Variants in ABLIM1 observed in about 807,000 individuals in gnomAD.
The protein encoded by ABLIM1 is actin binding LIM protein 1.
Under a neutral mutation model 107.0 loss-of-function variants are expected in ABLIM1, and 40 were observed. That is an observed-to-expected ratio of 0.37 (90% CI 0.29 to 0.49). The LOEUF (loss-of-function observed/expected upper bound fraction) is 0.49. Among genes scored for constraint, ABLIM1 ranks in the 20% least tolerant of loss-of-function variants. The pLI is 0.97. For missense variants in ABLIM1, 857 were observed against 1,008.5 expected, an observed-to-expected ratio of 0.85 and a Z score of 2.04; for synonymous variants, 357 against 357.3, an observed-to-expected ratio of 1.00 and a Z score of 0.01.
chr10:114,588,354 T>C, intron 2 of ABLIM1, among the ~76,000 whole-genome samples: 1 of 141,266 alleles, frequency 7.1e-6, no homozygotes, highest in East Asian at 2.0e-4. Context: ...CTACATTTAA[T>C]GAGGCTGTTT....
the ABLIM1 span, among the ~76,000 whole-genome samples, chr10:114,774,594 C>A: frequency 6.6e-6 from 1 of 152,208 alleles, no homozygotes; most frequent in African/African-American, 2.4e-5. Context: ...TATTTGAAAG[C>A]TGCCCATTGG....
the ABLIM1 span, among the ~76,000 whole-genome samples, chr10:114,793,894 C>A: frequency 6.6e-6 from 1 of 152,234 alleles, no homozygotes; most frequent in Non-Finnish European, 1.5e-5. Context: ...TCTCCATCTC[C>A]CCTCACAGGT....
chr10:114,783,857 CTCCTGCAGCGTGCCAGGGCAACACAGCT>C, the ABLIM1 span, among the ~76,000 whole-genome samples: 1 of 151,936 alleles, frequency 6.6e-6, no homozygotes, highest in African/African-American at 2.4e-5. Flanking sequence ...TCCAGTATCA[CTCCTGCAGCGTGCCAGGGCAACACAGCT>C]GCTGAGAGGG....
intron 6 of ABLIM1, among the ~76,000 whole-genome samples, chr10:114,515,781 G>A (rs1388747269): frequency 6.6e-6 from 1 of 152,186 alleles, no homozygotes; most frequent in Non-Finnish European, 1.5e-5. Context: ...GAGGGAGACA[G>A]ACAAGGAGAA....
intron 1 of ABLIM1, among the ~76,000 whole-genome samples, chr10:114,643,989 A>G (rs1411128347): frequency 6.6e-6 from 1 of 151,800 alleles, no homozygotes; most frequent in Non-Finnish European, 1.5e-5. Flanking sequence ...TTTAAAAAAT[A>G]CCATGGTTCT....
At chr10:114,795,164 C>T in the ABLIM1 span, among the ~76,000 whole-genome samples, 1 of 152,144 alleles carries the variant, frequency 6.6e-6, no homozygotes, top group African/African-American at 2.4e-5. Context: ...CATTCTTTGA[C>T]CTAATAGTCA....
intron 4 of ABLIM1, among the ~76,000 whole-genome samples, chr10:114,557,678 T>TG (rs2068953259): frequency 6.7e-6 from 1 of 149,306 alleles, no homozygotes; most frequent in Admixed American, 6.7e-5. Context: ...GGTGTTTTTT[T>TG]TTTTTTTTTT....
At chr10:114,536,004 T>C (rs1429843527) in intron 6 of ABLIM1, among the ~76,000 whole-genome samples, 3 of 152,012 alleles carry the variant, frequency 2.0e-5, no homozygotes, top group Admixed American at 6.6e-5. Context: ...ACTATACTCA[T>C]TGAGTTGTGC....
chr10:114,719,468 C>T (rs2081787833), intron 1 of ABLIM1, among the ~76,000 whole-genome samples: 1 of 152,226 alleles, frequency 6.6e-6, no homozygotes, highest in Non-Finnish European at 1.5e-5. Context: ...ACCACATTTC[C>T]AGAGTGCTAG....
intron 12 of ABLIM1, chr10:114,463,288 G>T: frequency 9.8e-7 from 1 of 1,017,780 alleles, no homozygotes. Flanking sequence ...TTAATCAGGA[G>T]GCTGAAAAGG....
intron 11 of ABLIM1, among the ~76,000 whole-genome samples, chr10:114,466,125 A>G (rs887034844): frequency 2.6e-5 from 4 of 152,144 alleles, no homozygotes; most frequent in Non-Finnish European, 5.9e-5. Flanking sequence ...GGATGGCTTG[A>G]AGCCAGGAGT....
intron 11 of ABLIM1, among the ~76,000 whole-genome samples, chr10:114,466,379 A>G (rs567358752): frequency 6.6e-6 from 1 of 152,292 alleles, no homozygotes; most frequent in East Asian, 1.9e-4. Context: ...GGGACAAGAG[A>G]TAATAATTCC....
Position 114,632,426 on chromosome 10 carries a change from A to G in ABLIM1, c.244+25531T>C, listed in dbSNP as rs542577454. 5.1e-6 allele frequency: 5 copies of G among 985,438 alleles called. No homozygotes were observed. The South Asian group carries it at 2.3e-4, about 46-fold the overall frequency. The allele number at this position is 985,438 out of a possible 1,614,324, so 61.0% of individuals were successfully genotyped here. On this transcript the variant is annotated intron_variant, in intron 1 of 22. Transcript: ENST00000533213. ...GGTTAGCTTATTGGCTCCCTGTTAC[A>G]GTCGCTTTCAATTTTTACTACGGCT... is the stretch of plus-strand genomic sequence containing the variant.
chr10:114,545,014 T>C lies in ABLIM1; in HGVS notation c.885A>G (p.Lys295=), dbSNP rs759829085. 1.2e-6 allele frequency: 2 copies of C among 1,614,126 alleles called. No homozygotes were observed. The highest frequency in any genetic ancestry group is 3.3e-5 in the Admixed American group (2 of 60,012). Residue 295 remains lysine, a synonymous_variant, in exon 6 of 23, where the codon AAA becomes AAG. Transcript: ENST00000533213. The part of the protein sequence containing the change: ...CEACHQFITG[K]VLEAGDKHYH... ...CCGGTCTGCCACTTACCTCCAGGAC[T>C]TTCCCTGTGATAAACTGGTGACACG...
chr10:114,459,844 C>T (rs2063507434), intron 12 of ABLIM1, among the ~76,000 whole-genome samples: 1 of 152,100 alleles, frequency 6.6e-6, no homozygotes, highest in Admixed American at 6.5e-5. Flanking sequence ...TCATTTAAAT[C>T]CAGAACACCT....
At chr10:114,769,415 AAAAGAAG>A (rs1241122901), upstream of ABLIM1, among the ~76,000 whole-genome samples, 8 of 133,594 alleles carry the variant, frequency 6.0e-5, no homozygotes, top group East Asian at 2.4e-4. Flanking sequence ...AGAAAGAAAG[AAAAGAAG>A]GAAAGAAAGA....
In ABLIM1 at chr10:114,491,012, G is replaced by GTGTGTGTGTGTATATATATATATATA; in HGVS notation, c.982+778_982+779insTATATATATATATATACACACACACA. On this transcript the variant is annotated intron_variant, in intron 7 of 22. Transcript: ENST00000533213. ...TGTGTGTGTGTGTGTGTGTGTGTGT[G>GTGTGTGTGTGTATATATATATATATA]TATATATATATATGGTCTATTTTAT... Among the ~76,000 whole-genome samples the GTGTGTGTGTGTATATATATATATATA allele has an allele frequency of 7.1e-4, 66 of 92,360 alleles. No individual in the cohort carries two copies. The East Asian group carries it at 0.011, about 15-fold the overall frequency. The allele number at this position is 92,360 out of a possible 152,430, so 60.6% of individuals were successfully genotyped here.
At chr10:114,436,600 T>C (rs1284056707) in intron 22 of ABLIM1, among the ~76,000 whole-genome samples, 1 of 152,180 alleles carries the variant, frequency 6.6e-6, no homozygotes. Flanking sequence ...TAATGGGGAT[T>C]ATAATAATAA....
At chr10:114,673,666 C>T (rs1449436974) in intron 1 of ABLIM1, among the ~76,000 whole-genome samples, 1 of 152,220 alleles carries the variant, frequency 6.6e-6, no homozygotes, top group Admixed American at 6.5e-5. Context: ...AAATTAGATT[C>T]TCTTATTATC....
Sources: allele counts gnomAD v4.1 joint callset (sites outside exome capture counted in the v4.1 genomes callset), GRCh38; gene constraint gnomAD v4.1.1; transcripts MANE v1.5; gene names NCBI Gene and HGNC (gene_info 2026-07-23, HGNC 2026-07-21).